The following BCAT1 variants were observed in gnomAD, a reference collection of about 807,000 sequenced individuals.
BCAT1 encodes the protein branched-chain-amino-acid aminotransferase, cytosolic.
In BCAT1, 48 loss-of-function variants were observed where a neutral mutation model predicts 52.4. That is an observed-to-expected ratio of 0.92 (90% CI 0.73 to 1.16). The LOEUF (loss-of-function observed/expected upper bound fraction) is 1.16. Ranked by LOEUF, BCAT1 falls within the 50% of genes most tolerant of loss-of-function variation. The probability of loss-of-function intolerance (pLI) is 0.00; values close to 1 mark genes in which losing one functional copy is unlikely to be tolerated. For synonymous variants in BCAT1, 167 were observed against 161.3 expected, an observed-to-expected ratio of 1.04 and a Z score of -0.27; for missense variants, 451 against 457.1, an observed-to-expected ratio of 0.99 and a Z score of 0.12.
At position 24,949,081 on chromosome 12, in the gene BCAT1, A is replaced by G. The variant is rs1281605818; in HGVS notation, c.-149T>C. The stretch of plus-strand genomic sequence containing the variant: ...GGCAGTGCCCGAGGCGGCGGCGAGT[A>G]CACGTGGCGGGCTGGATTGCAGACC... On this transcript the variant is annotated 5_prime_UTR_variant, in exon 1 of 11. Coordinates refer to ENST00000261192, the MANE Select transcript of BCAT1 (RefSeq NM_005504.7). The G allele has an allele frequency of 1.4e-6, 1 of 719,416 alleles. No individual in the cohort carries two copies. 44.6% of individuals were successfully genotyped at this position (719,416 alleles called of 1,614,324 possible).
At chr12:24,895,690 C>T (rs1942945116) in intron 2 of BCAT1, among the ~76,000 whole-genome samples, 1 of 152,078 alleles carries the variant, frequency 6.6e-6, no homozygotes, top group Admixed American at 6.5e-5. Flanking sequence ...AAAGTCTTTT[C>T]CCTCCCAAAT....
chr12:24,842,215 G>A lies in BCAT1; in HGVS notation c.684C>T (p.Gly228=), dbSNP rs1941196984. The change falls in exon 7 of 11, where the codon GGC becomes GGT. Residue 228 remains glycine, a synonymous_variant. Coordinates refer to ENST00000261192, the MANE Select transcript of BCAT1 (RefSeq NM_005504.7). Reference sequence around the variant, plus strand: ...CTTCACATTGGGCAAAAAGAGATGAGCCGTAATTCCTTTAAGAAAGAGAAA... The same window carrying A: ...CTTCACATTGGGCAAAAAGAGATGAACCGTAATTCCTTTAAGAAAGAGAAA... ...TGDCKMGGNY[G]SSLFAQCEAV... is the part of the protein sequence containing the mutation. The A allele has an allele frequency of 6.2e-7, 1 of 1,613,838 alleles. No individual in the cohort carries two copies. The highest frequency in any genetic ancestry group is 8.5e-7 in the Non-Finnish European group (1 of 1,179,828).
At chr12:24,859,213 A>G (rs528529293) in intron 5 of BCAT1, among the ~76,000 whole-genome samples, 1 of 152,350 alleles carries the variant, frequency 6.6e-6, no homozygotes, top group South Asian at 2.1e-4. Flanking sequence ...CAAAATTTTC[A>G]TGTAATATTA....
At chr12:24,831,315 G>T (rs1217962142) in intron 9 of BCAT1, among the ~76,000 whole-genome samples, 3 of 152,146 alleles carry the variant, frequency 2.0e-5, no homozygotes, top group Non-Finnish European at 4.4e-5. Flanking sequence ...GGCTTCCGGT[G>T]AACAGCAGGC....
intron 1 of BCAT1, among the ~76,000 whole-genome samples, chr12:24,913,982 G>A (rs1241998136): frequency 6.6e-6 from 1 of 152,124 alleles, no homozygotes; most frequent in African/African-American, 2.4e-5. Context: ...GGGAAGAGGG[G>A]TTGTAGTCTT....
At chr12:24,945,980 G>T (rs568670944) in intron 1 of BCAT1, among the ~76,000 whole-genome samples, 9 of 152,228 alleles carry the variant, frequency 5.9e-5, no homozygotes, top group East Asian at 3.9e-4. Context: ...GTTTCCCTGG[G>T]GTGGGCATCT....
At chr12:24,945,819 G>A (rs1389477041) in intron 1 of BCAT1, 1 of 151,930 alleles carries the variant, frequency 6.6e-6, no homozygotes, top group Non-Finnish European at 1.5e-5. Context: ...GTGAGATTCT[G>A]TCAAAAAAAA....
intron 5 of BCAT1, among the ~76,000 whole-genome samples, chr12:24,858,638 A>G (rs1941762391): frequency 6.6e-6 from 1 of 152,224 alleles, no homozygotes; most frequent in African/African-American, 2.4e-5. Context: ...TAGGCTCCAC[A>G]CCTGGTACAT....
intron 2 of BCAT1, among the ~76,000 whole-genome samples, chr12:24,901,113 CA>C (rs936098942): frequency 6.6e-6 from 1 of 152,168 alleles, no homozygotes; most frequent in African/African-American, 2.4e-5. Context: ...TGAGAGAGCT[CA>C]ATGTGTGAGA....
At chr12:24,876,790 T>C (rs923259189) in intron 5 of BCAT1, among the ~76,000 whole-genome samples, 1 of 152,126 alleles carries the variant, frequency 6.6e-6, no homozygotes, top group Non-Finnish European at 1.5e-5. Context: ...CAGCACATAC[T>C]AGGGTCTGTC....
intron 1 of BCAT1, chr12:24,902,338 C>T: frequency 8.3e-7 from 1 of 1,211,556 alleles, no homozygotes; most frequent in South Asian, 2.6e-5. Context: ...CGGGGACGGG[C>T]GTGAACCATT....
At chr12:24,837,778 T>C (rs1941044359) in intron 7 of BCAT1, among the ~76,000 whole-genome samples, 1 of 152,044 alleles carries the variant, frequency 6.6e-6, no homozygotes, top group East Asian at 1.9e-4. Context: ...CAGCAACAAG[T>C]ATGGAGATGC....
intron 1 of BCAT1, among the ~76,000 whole-genome samples, chr12:24,912,699 T>TAA (rs10531528): frequency 7.2e-4 from 97 of 135,492 alleles, no homozygotes; most frequent in African/African-American, 2.6e-3. Flanking sequence ...ACCCCATCTC[T>TAA]AAAAAAAAAA....
rs11318750 is a variant in BCAT1, at chr12:24,844,894, C to CAAAAAAAAAAAA, written c.675-2682_675-2671dup. Among the ~76,000 whole-genome samples the CAAAAAAAAAAAA allele has an allele frequency of 1.3e-3, 48 of 35,992 alleles. 1 individual carries two copies. Among genetic ancestry groups the CAAAAAAAAAAAA allele is most frequent in the Non-Finnish European group, 1.6e-3 (32 of 19,556 alleles). The allele number at this position is 35,992 out of a possible 152,430, so 23.6% of individuals were successfully genotyped here. ...TCTGAGCGACAGAGTGAGACTGTCT[C>CAAAAAAAAAAAA]AAAAAAAAAAAAAAAAAAAAAAAGA... is the stretch of plus-strand genomic sequence containing the variant. On this transcript the variant is annotated intron_variant, in intron 6 of 10. Coordinates refer to ENST00000261192, the MANE Select transcript of BCAT1 (RefSeq NM_005504.7).
chr12:24,823,756 A>C (rs1367122585), intron 10 of BCAT1, among the ~76,000 whole-genome samples: 1 of 152,010 alleles, frequency 6.6e-6, no homozygotes, highest in African/African-American at 2.4e-5. Context: ...TTCCGCCATG[A>C]CTGTAAGTTT....
intron 1 of BCAT1, chr12:24,902,441 G>A (rs1943134101): frequency 1.9e-6 from 2 of 1,048,420 alleles, no homozygotes; most frequent in Non-Finnish European, 2.3e-6. Context: ...TAAAGACACA[G>A]GGAAGCGGGA....
At chr12:24,925,704 C>G (rs1296782178) in intron 1 of BCAT1, among the ~76,000 whole-genome samples, 3 of 152,208 alleles carry the variant, frequency 2.0e-5, no homozygotes, top group Admixed American at 6.5e-5. Context: ...ATTGTCCTGC[C>G]TCAGCCTGCC....
At chr12:24,859,631 A>AAG (rs1439745866) in intron 5 of BCAT1, among the ~76,000 whole-genome samples, 4 of 152,014 alleles carry the variant, frequency 2.6e-5, no homozygotes, top group African/African-American at 9.7e-5. Flanking sequence ...AAAAAAAAAA[A>AAG]AAAAAAAAGG....
chr12:24,818,830 T>C (rs1011273450), intron 10 of BCAT1, among the ~76,000 whole-genome samples: 1 of 152,188 alleles, frequency 6.6e-6, no homozygotes, highest in African/African-American at 2.4e-5. Flanking sequence ...AATAGAGATA[T>C]TCCATACATC....
Sources: allele counts gnomAD v4.1 joint callset (sites outside exome capture counted in the v4.1 genomes callset), GRCh38; gene constraint gnomAD v4.1.1; transcripts MANE v1.5; gene names NCBI Gene and HGNC (gene_info 2026-07-23, HGNC 2026-07-21).